Variants in SIDT1 observed in about 807,000 individuals in gnomAD.
SIDT1 encodes the protein SID1 transmembrane family member 1, also known as SID1 transmembrane family, member 1.
A neutral mutation model predicts 107.5 loss-of-function variants in SIDT1; 101 were observed. That is an observed-to-expected ratio of 0.94 (90% CI 0.80 to 1.11). The LOEUF (loss-of-function observed/expected upper bound fraction) is 1.11, where lower values mean the gene tolerates loss of function less well. Ranked by LOEUF, SIDT1 falls within the 50% of genes least tolerant of loss-of-function variation. SIDT1 has a pLI of 0.00. For missense variants in SIDT1, 1,076 were observed against 1,058.2 expected (o/e 1.02, Z -0.23); for synonymous variants, 395 against 398.2 (o/e 0.99, Z 0.10).
downstream of SIDT1, among the ~76,000 whole-genome samples, chr3:113,633,272 G>T (rs1055224572): frequency 6.6e-6 from 1 of 152,048 alleles, no homozygotes; most frequent in African/African-American, 2.4e-5. Flanking sequence ...GAAGGATGCT[G>T]GTTCTCAGGG....
At chr3:113,577,486 A>G (rs186368376) in intron 4 of SIDT1, among the ~76,000 whole-genome samples, 23 of 151,310 alleles carry the variant, frequency 1.5e-4, no homozygotes, top group African/African-American at 5.3e-4. Flanking sequence ...CTCATAAAGA[A>G]AGAGCCAGAA....
chr3:113,602,602 C>T (rs1945036818), intron 11 of SIDT1: 1 of 153,332 alleles, frequency 6.5e-6, no homozygotes. Flanking sequence ...AAATGTATAG[C>T]TGTTAGATAT....
intron 11 of SIDT1, among the ~76,000 whole-genome samples, chr3:113,602,194 A>G (rs1945004839): frequency 6.6e-6 from 1 of 152,246 alleles, no homozygotes; most frequent in Non-Finnish European, 1.5e-5. Context: ...ATGGAATCCT[A>G]GACCTGTCTT....
chr3:113,610,215 A>G (rs985062634), intron 17 of SIDT1, among the ~76,000 whole-genome samples: 4 of 152,286 alleles, frequency 2.6e-5, no homozygotes, highest in South Asian at 2.1e-4. Flanking sequence ...TCATCCTTCT[A>G]TATGTCTCTT....
intron 1 of SIDT1, among the ~76,000 whole-genome samples, chr3:113,535,783 C>T (rs1431788732): frequency 6.6e-6 from 1 of 152,166 alleles, no homozygotes; most frequent in African/African-American, 2.4e-5. Flanking sequence ...TATGCAAATG[C>T]TGTAGTGGAG....
chr3:113,582,194 T>C (rs1473080440), intron 6 of SIDT1, among the ~76,000 whole-genome samples: 1 of 152,238 alleles, frequency 6.6e-6, no homozygotes, highest in Non-Finnish European at 1.5e-5. Flanking sequence ...ATATTTGTAA[T>C]TATTATTTCA....
chr3:113,558,200 G>A (rs1049434276), intron 1 of SIDT1, among the ~76,000 whole-genome samples: 1 of 152,136 alleles, frequency 6.6e-6, no homozygotes, highest in Non-Finnish European at 1.5e-5. Context: ...ACTCAGAACT[G>A]GGCAAACACA....
At chr3:113,603,751 G>A (rs1945128216) in intron 12 of SIDT1, among the ~76,000 whole-genome samples, 1 of 151,950 alleles carries the variant, frequency 6.6e-6, no homozygotes, top group Non-Finnish European at 1.5e-5. Flanking sequence ...GGTATCATGG[G>A]AAAAACAACA....
chr3:113,544,426 G>A (rs559162056), intron 1 of SIDT1, among the ~76,000 whole-genome samples: 1 of 152,182 alleles, frequency 6.6e-6, no homozygotes, highest in South Asian at 2.1e-4. Flanking sequence ...TCCTGACCTT[G>A]TGATCCACCC....
chr3:113,611,334 A>T (rs1341441321), intron 18 of SIDT1, among the ~76,000 whole-genome samples, 190 bp downstream of exon 18: 1 of 152,038 alleles, frequency 6.6e-6, no homozygotes, highest in Non-Finnish European at 1.5e-5. Context: ...ACTTTTACTT[A>T]GTTATTTAGT....
chr3:113,552,455 T>C (rs925205372), intron 1 of SIDT1, among the ~76,000 whole-genome samples: 14 of 152,136 alleles, frequency 9.2e-5, no homozygotes, highest in Non-Finnish European at 1.5e-4. Flanking sequence ...TGCAAGGGTC[T>C]TAGCTACAAA....
chr3:113,573,018 A>G (rs1942598372), intron 3 of SIDT1, among the ~76,000 whole-genome samples: 1 of 150,212 alleles, frequency 6.7e-6, no homozygotes, highest in Non-Finnish European at 1.5e-5. Context: ...TTCTCTCTTA[A>G]TGATGCTGTA....
intron 1 of SIDT1, among the ~76,000 whole-genome samples, chr3:113,547,861 G>A (rs772472150): frequency 6.6e-5 from 10 of 152,038 alleles, no homozygotes; most frequent in African/African-American, 7.2e-5. Flanking sequence ...GTGCTAATAC[G>A]TAATTATTAA....
chr3:113,564,482 G>A (rs564410844), intron 1 of SIDT1, among the ~76,000 whole-genome samples: 1 of 152,280 alleles, frequency 6.6e-6, no homozygotes, highest in African/African-American at 2.4e-5. Flanking sequence ...CCCTGGAGTC[G>A]GAAGACTAGA....
At chr3:113,607,259 G>T in intron 15 of SIDT1, 145 bp downstream of exon 15, 1 of 580,376 alleles carries the variant, frequency 1.7e-6, no homozygotes. Context: ...AAGAAGTTGA[G>T]ACCAGGTATG....
chr3:113,598,626 G>T (rs1168984041), intron 10 of SIDT1, among the ~76,000 whole-genome samples: 1 of 152,132 alleles, frequency 6.6e-6, no homozygotes, highest in African/African-American at 2.4e-5. Context: ...CACTATCTGA[G>T]TGACTGGGCA....
downstream of SIDT1, among the ~76,000 whole-genome samples, chr3:113,633,799 CT>C (rs1438202463): frequency 6.6e-6 from 1 of 152,148 alleles, no homozygotes; most frequent in African/African-American, 2.4e-5. Context: ...GGAGGAAAAA[CT>C]TTTGGTGTGA....
chr3:113,607,031 GA>G lies in SIDT1; in HGVS notation c.1405-9del. On this transcript the variant is annotated splice_polypyrimidine_tract_variant and intron_variant, in intron 14 of 24. Coordinates refer to ENST00000264852, the MANE Select transcript of SIDT1 (RefSeq NM_017699.3). ...AACCACATTTCCTCTTCTCACTCTT[GA>G]TTTTACAGGTGGTAAATGTCACTGG... is the stretch of plus-strand genomic sequence containing the variant. 1.9e-6 allele frequency: 3 copies of G among 1,589,744 alleles called. No individual in the cohort carries two copies. In the East Asian group the frequency reaches 6.7e-5, roughly 35 times the overall value.
chr3:113,602,924 G>A (rs1945060641), intron 11 of SIDT1, 81 bp from the exon 12 acceptor site: 2 of 1,475,594 alleles, frequency 1.4e-6, no homozygotes, highest in South Asian at 2.5e-5. Context: ...GAATGAGTCT[G>A]CACTGTGCTT....
Sources: gnomAD v4.1 joint callset for allele counts (sites outside exome capture counted in the v4.1 genomes callset) on GRCh38, gnomAD v4.1.1 for gene constraint, MANE v1.5 for transcripts, NCBI Gene and HGNC (gene_info 2026-07-23, HGNC 2026-07-21) for gene names.